The following FNDC7 variants were observed in gnomAD, a reference collection of about 807,000 sequenced individuals.
FNDC7 encodes fibronectin type III domain-containing protein 7.
A neutral mutation model predicts 74.2 loss-of-function variants in FNDC7; 66 were observed. The ratio of observed to expected loss-of-function variants is 0.89; its 90% CI spans 0.73 to 1.09. The LOEUF (loss-of-function observed/expected upper bound fraction) is 1.09. FNDC7 is among the 50% of genes least tolerant of loss of function. The pLI is 0.00. For missense variants in FNDC7, 829 were observed against 893.4 expected, an observed-to-expected ratio of 0.93 and a Z score of 0.92; for synonymous variants, 307 against 330.2, an observed-to-expected ratio of 0.93 and a Z score of 0.76.
At chr1:108,728,922 G>A in intron 8 of FNDC7, 36 bp downstream of exon 8, 1 of 1,604,648 alleles carries the variant, frequency 6.2e-7, no homozygotes, top group South Asian at 1.1e-5. Flanking sequence ...GTTGACTTCA[G>A]TGGGGTCCTT....
chr1:108,732,498 T>G (rs557053874), intron 9 of FNDC7, among the ~76,000 whole-genome samples: 1 of 152,288 alleles, frequency 6.6e-6, no homozygotes, highest in African/African-American at 2.4e-5. Flanking sequence ...ATGCAGTTAA[T>G]TATATTTAAG....
intron 8 of FNDC7, among the ~76,000 whole-genome samples, chr1:108,729,714 C>T (rs866334092): frequency 4.2e-4 from 64 of 152,254 alleles, no homozygotes; most frequent in African/African-American, 1.3e-3. Flanking sequence ...ATTATTACAG[C>T]GTAGCATTGT....
At chr1:108,727,720 C>A in intron 6 of FNDC7, 88 bp from the exon 7 acceptor site, 2 of 1,510,684 alleles carry the variant, frequency 1.3e-6, no homozygotes, top group Non-Finnish European at 1.8e-6. Flanking sequence ...GTGGCAGAGG[C>A]TCTGGGCATG....
Position 108,741,842 on chromosome 1 carries a change from G to C in FNDC7, c.*37+1G>C. On this transcript the variant is annotated splice_donor_variant, in intron 12 of 12. Transcript: ENST00000370017. LOFTEE classifies it low-confidence loss of function (3UTR_SPLICE). ...CAGATAAAAACAAAAACTTGACCAA[G>C]TGAGTAACGTAAATTGATTTTGTGT... The C allele has an allele frequency of 6.2e-7, 1 of 1,601,218 alleles. No homozygotes were observed. The highest frequency in any genetic ancestry group is 1.1e-5 in the South Asian group (1 of 89,328).
At chr1:108,739,612 T>C (rs530636391) in intron 11 of FNDC7, among the ~76,000 whole-genome samples, 16 of 152,364 alleles carry the variant, frequency 1.1e-4, no homozygotes, top group African/African-American at 3.8e-4. Context: ...ACTGCTTAGG[T>C]ACTGCTCTTA....
Position 108,717,796 on chromosome 1 carries a change from T to C in FNDC7, c.102T>C (p.Ile34=). The change falls in exon 3 of 13, where the codon ATT becomes ATC. Residue 34 remains isoleucine (I), a synonymous_variant. Coordinates refer to ENST00000370017, the MANE Select transcript of FNDC7 (RefSeq NM_001144937.3). ...SAKSAPEIPT[I]DQAYSKLSNS... is the part of the protein sequence containing the mutation. ...TTTCAGCTCCTGAAATACCCACTAT[T>C]GATCAGGCATATTCAAAACTCAGCA... 1 of 1,551,724 alleles carries C rather than the reference T, an allele frequency of 6.4e-7. No individual in the cohort carries two copies.
At position 108,725,788 on chromosome 1, in the gene FNDC7, C is replaced by T. The variant is rs759147639; in HGVS notation, c.895C>T (p.Pro299Ser). 1.9e-6 allele frequency: 3 copies of T among 1,613,958 alleles called. No homozygotes were observed. Among genetic ancestry groups the T allele is most frequent in the African/African-American group, 1.3e-5 (1 of 74,908 alleles). Reference protein sequence around the residue: ...APGRVTIQEDPPGHLSVAWSS... With the variant: ...APGRVTIQEDSPGHLSVAWSS... ...CGGAAGAGTGACGATCCAAGAAGAT[C>T]CCCCTGGCCACCTGTCTGTGGCTTG... The change falls in exon 6 of 13, where the codon CCC (proline) becomes TCC (serine). Residue 299 changes from proline to serine, a missense_variant. Transcript: ENST00000370017.
chr1:108,733,295 A>C lies in FNDC7; in HGVS notation c.1903A>C (p.Lys635Gln). The change falls in exon 10 of 13, where the codon AAA becomes CAA. Residue 635 changes from lysine (K) to glutamine (Q), a missense_variant. Physicochemically the swap from Lys to Gln is moderately conservative, Grantham distance 53. Coordinates refer to ENST00000370017, the MANE Select transcript of FNDC7 (RefSeq NM_001144937.3). ...FSGACCPLGVKLYRLGPNGIR... is the reference protein window; with the variant it reads ...FSGACCPLGVQLYRLGPNGIR... ...AGGTGCCTGCTGCCCTTTGGGGGTGAAATTATATAGGCTGGGCCCTAATGG... is the reference window on the plus strand; with the variant it reads ...AGGTGCCTGCTGCCCTTTGGGGGTGCAATTATATAGGCTGGGCCCTAATGG... The C allele has an allele frequency of 5.0e-6, 8 of 1,610,888 alleles. No individual in the cohort carries two copies. Among genetic ancestry groups the C allele is most frequent in the Non-Finnish European group, 6.8e-6 (8 of 1,177,272 alleles).
At position 108,741,779 on chromosome 1, in the gene FNDC7, A is replaced by G; in HGVS notation, c.2177A>G (p.Tyr726Cys). The change falls in exon 12 of 13, where the codon TAT becomes TGT. Residue 726 changes from tyrosine to cysteine, a missense_variant. By Grantham distance (194) the Tyr-to-Cys change is radical. Coordinates refer to ENST00000370017, the MANE Select transcript of FNDC7 (RefSeq NM_001144937.3). ...CCTTCCTTACCCTTTTCAGTGATTT[A>G]TAGAGGGAAGAGAAATGAAGAATGA... ...CSGSTLGMVI[Y>C]RGKRNEE The G allele has an allele frequency of 6.2e-7, 1 of 1,613,918 alleles. No homozygotes were observed. Among genetic ancestry groups the G allele is most frequent in the Non-Finnish European group, 8.5e-7 (1 of 1,179,966 alleles).
At chr1:108,725,595 C>G (rs1167372698) in intron 5 of FNDC7, among the ~76,000 whole-genome samples, 155 bp from the exon 6 acceptor site, 1 of 152,200 alleles carries the variant, frequency 6.6e-6, no homozygotes, top group Non-Finnish European at 1.5e-5. Flanking sequence ...TCTTCTAATG[C>G]TTCCAGTGCA....
intron 10 of FNDC7, among the ~76,000 whole-genome samples, chr1:108,736,115 A>T (rs555912010): frequency 1.3e-5 from 2 of 152,340 alleles, no homozygotes; most frequent in South Asian, 4.1e-4. Flanking sequence ...GCCTGAACAG[A>T]GAAATTCTAG....
intron 5 of FNDC7, among the ~76,000 whole-genome samples, chr1:108,723,299 G>T (rs939464815): frequency 6.6e-6 from 1 of 152,136 alleles, no homozygotes; most frequent in Non-Finnish European, 1.5e-5. Context: ...AGGGCACACC[G>T]ATAATAAGTG....
chr1:108,722,372 T>C lies in FNDC7; in HGVS notation c.636T>C (p.Asp212=), dbSNP rs753193148. 4 of 1,613,790 alleles carry C rather than the reference T, an allele frequency of 2.5e-6. No homozygotes were observed. The highest frequency in any genetic ancestry group is 2.5e-6 in the Non-Finnish European group (3 of 1,179,856). ...RAPANIQVSF[D]SGALKASFSW... ...CTGCCAACATTCAAGTCTCTTTCGATAGTGGAGCTCTGAAGGCATCTTTTT... is the reference window on the plus strand; with the variant it reads ...CTGCCAACATTCAAGTCTCTTTCGACAGTGGAGCTCTGAAGGCATCTTTTT... The change falls in exon 5 of 13, where the codon GAT becomes GAC. Residue 212 remains aspartate, a synonymous_variant. Transcript: ENST00000370017.
intron 2 of FNDC7, among the ~76,000 whole-genome samples, chr1:108,715,799 C>T (rs1383515699): frequency 2.0e-5 from 3 of 152,156 alleles, no homozygotes; most frequent in Non-Finnish European, 4.4e-5. Context: ...TATTAATAAT[C>T]CGTATTTGTC....
At chr1:108,731,700 C>T (rs765661944) in intron 9 of FNDC7, among the ~76,000 whole-genome samples, 1 of 152,162 alleles carries the variant, frequency 6.6e-6, no homozygotes, top group Non-Finnish European at 1.5e-5. Flanking sequence ...CCTAATCTTC[C>T]CTGATTCTGT....
intron 9 of FNDC7, among the ~76,000 whole-genome samples, chr1:108,732,679 C>T (rs1020920679): frequency 2.6e-5 from 4 of 152,172 alleles, no homozygotes; most frequent in Non-Finnish European, 4.4e-5. Context: ...ACCACCTTCA[C>T]ACATGGATTT....
In FNDC7 at chr1:108,738,369, C is replaced by T. The variant is rs146903722; in HGVS notation, c.2170+845C>T. Among the ~76,000 whole-genome samples, 927 of 152,186 alleles carry T rather than the reference C, an allele frequency of 6.1e-3. 3 individuals carry two copies. The highest frequency in any genetic ancestry group is 0.021 in the African/African-American group (884 of 41,510). On this transcript the variant is annotated intron_variant, in intron 11 of 12. Coordinates refer to ENST00000370017, the MANE Select transcript of FNDC7 (RefSeq NM_001144937.3). ...CCCACAGAGATGACTCTTGGCAGGGCAGTGGAGATGAGCAAATGGAGCCAT... is the reference window on the plus strand; with the variant it reads ...CCCACAGAGATGACTCTTGGCAGGGTAGTGGAGATGAGCAAATGGAGCCAT...
intron 10 of FNDC7, among the ~76,000 whole-genome samples, chr1:108,736,030 A>C (rs1182163001): frequency 6.6e-6 from 1 of 151,342 alleles, no homozygotes; most frequent in Non-Finnish European, 1.5e-5. Flanking sequence ...CTGGTCTTGA[A>C]CTCCCGGGCT....
intron 11 of FNDC7, among the ~76,000 whole-genome samples, chr1:108,739,058 A>G (rs1661581432): frequency 6.6e-6 from 1 of 152,154 alleles, no homozygotes; most frequent in South Asian, 2.1e-4. Flanking sequence ...GGAGTGGTGT[A>G]TGATATATTG....
Sources: gnomAD v4.1 joint callset for allele counts (sites outside exome capture counted in the v4.1 genomes callset) on GRCh38, gnomAD v4.1.1 for gene constraint, MANE v1.5 for transcripts, NCBI Gene and HGNC (gene_info 2026-07-23, HGNC 2026-07-21) for gene names.